Variants in ADARB2 observed in about 807,000 individuals in gnomAD.
ADARB2 encodes inactive double-stranded RNA-specific editase B2.
Under a neutral mutation model 62.2 loss-of-function variants are expected in ADARB2, and 25 were observed. The ratio of observed to expected loss-of-function variants is 0.40; its 90% CI spans 0.29 to 0.56. The LOEUF is 0.56. Among genes scored for constraint, ADARB2 ranks in the 20% least tolerant of loss-of-function variants. ADARB2 has a pLI of 0.43. For missense variants in ADARB2, 1,071 were observed against 1,077.4 expected (o/e 0.99, Z 0.08); for synonymous variants, 572 against 500.8 (o/e 1.14, Z -1.90).
At chr10:1,349,098 A>G (rs1465714563) in intron 3 of ADARB2, among the ~76,000 whole-genome samples, 1 of 152,168 alleles carries the variant, frequency 6.6e-6, no homozygotes, top group African/African-American at 2.4e-5. Flanking sequence ...TTCTGCCTTA[A>G]CTGATGACAT....
intron 1 of ADARB2, among the ~76,000 whole-genome samples, chr10:1,382,749 C>A (rs1832494803): frequency 6.7e-6 from 1 of 148,664 alleles, no homozygotes; most frequent in African/African-American, 2.5e-5. Flanking sequence ...TCGGAGTGTG[C>A]CAGGAGAAGC....
intron 2 of ADARB2, among the ~76,000 whole-genome samples, chr10:1,368,354 C>CA (rs1832331561): frequency 2.0e-5 from 3 of 152,204 alleles, no homozygotes; most frequent in South Asian, 2.1e-4. Flanking sequence ...ATTTTGAAAA[C>CA]ACAGCAGGGA....
At chr10:1,217,693 C>T (rs1384574096) in intron 6 of ADARB2, among the ~76,000 whole-genome samples, 3 of 152,224 alleles carry the variant, frequency 2.0e-5, no homozygotes, top group Non-Finnish European at 2.9e-5. Context: ...CTCAAAGTCA[C>T]TGTGACCCGG....
At chr10:1,652,492 A>G (rs567581315) in intron 1 of ADARB2, among the ~76,000 whole-genome samples, 7 of 152,282 alleles carry the variant, frequency 4.6e-5, no homozygotes, top group Admixed American at 4.6e-4. Context: ...TACCACTGAC[A>G]TCTGCTCTTA....
intron 3 of ADARB2, among the ~76,000 whole-genome samples, chr10:1,277,867 C>CA (rs1390451757): frequency 6.6e-6 from 1 of 152,214 alleles, no homozygotes; most frequent in South Asian, 2.1e-4. Context: ...AAAATACTGG[C>CA]AAACCGAATC....
At chr10:1,575,649 C>A (rs909122716) in intron 1 of ADARB2, among the ~76,000 whole-genome samples, 7 of 152,240 alleles carry the variant, frequency 4.6e-5, no homozygotes, top group African/African-American at 1.7e-4. Context: ...CTCCTCCCCA[C>A]CTGCTCCTGC....
intron 1 of ADARB2, among the ~76,000 whole-genome samples, chr10:1,462,320 G>A (rs1831185466): frequency 6.6e-6 from 1 of 152,208 alleles, no homozygotes; most frequent in Non-Finnish European, 1.5e-5. Context: ...GTGAAAGAGA[G>A]CTTCAAGGGG....
In ADARB2 at chr10:1,293,518, C is replaced by G. The variant is rs561180964; in HGVS notation, c.1078-22449G>C. Reference sequence around the variant, plus strand: ...CTCTGTTGTGAGCATCTCGATTTTTCTTTTGCATTTTCAGGGCATTCTCGC... The same window carrying G: ...CTCTGTTGTGAGCATCTCGATTTTTGTTTTGCATTTTCAGGGCATTCTCGC... On this transcript the variant is annotated intron_variant, in intron 3 of 9. Transcript: ENST00000381312. Among the ~76,000 whole-genome samples the G allele has an allele frequency of 1.3e-5, 2 of 152,250 alleles. 1 individual carries two copies. Among genetic ancestry groups the G allele is most frequent in the South Asian group, 4.1e-4 (2 of 4,820 alleles).
chr10:1,530,457 G>A (rs769950369), intron 1 of ADARB2, among the ~76,000 whole-genome samples: 3 of 152,138 alleles, frequency 2.0e-5, no homozygotes, highest in African/African-American at 7.2e-5. Flanking sequence ...TCGTGAGTGC[G>A]TCTCACTGAA....
intron 1 of ADARB2, among the ~76,000 whole-genome samples, chr10:1,448,467 A>T (rs1157432580): frequency 1.3e-5 from 2 of 152,090 alleles, no homozygotes; most frequent in Non-Finnish European, 2.9e-5. Flanking sequence ...TGCTGCCCAA[A>T]TCCCTCCTCC....
rs938120261 is a variant in ADARB2, at chr10:1,454,682, G to A, written c.101-75522C>T. The stretch of plus-strand genomic sequence containing the variant: ...GGTTGCTGGGGCCGGGGAGGGTAAC[G>A]GGCTTAATGTTTCGTGGAGACAGTT... On this transcript the variant is annotated intron_variant, in intron 1 of 9. Transcript: ENST00000381312. Among the ~76,000 whole-genome samples the A allele has an allele frequency of 9.2e-5, 14 of 151,952 alleles. No homozygotes were observed. In the East Asian group the frequency reaches 1.2e-3, roughly 13 times the overall value.
intron 1 of ADARB2, among the ~76,000 whole-genome samples, chr10:1,629,515 A>C (rs1588330097): frequency 5.3e-5 from 5 of 93,568 alleles, no homozygotes; most frequent in Admixed American, 1.1e-4. Flanking sequence ...GCCCAACACC[A>C]CCCAGTGCCC....
chr10:1,637,238 T>C lies in ADARB2; in HGVS notation c.100+99813A>G, dbSNP rs546406943. On this transcript the variant is annotated intron_variant, in intron 1 of 9. Coordinates refer to ENST00000381312, the MANE Select transcript of ADARB2 (RefSeq NM_018702.4). The stretch of plus-strand genomic sequence containing the variant: ...GCAGTTTATATTTCTGCCGTGATGA[T>C]GTAAATCCTGTTTCCACAGAATCCT... Among the ~76,000 whole-genome samples, 15 of 144,458 alleles carry C rather than the reference T, an allele frequency of 1.0e-4. No homozygotes were observed. The South Asian group carries it at 3.2e-3, about 31-fold the overall frequency. The allele number at this position is 144,458 out of a possible 152,430, so 94.8% of individuals were successfully genotyped here.
intron 1 of ADARB2, among the ~76,000 whole-genome samples, chr10:1,401,020 T>C (rs909141567): frequency 5.3e-5 from 8 of 152,074 alleles, no homozygotes; most frequent in South Asian, 2.1e-4. Flanking sequence ...CTGACCACGA[T>C]TGGAAAACTG....
intron 1 of ADARB2, among the ~76,000 whole-genome samples, chr10:1,692,147 C>G (rs1258999579): frequency 2.0e-5 from 3 of 152,194 alleles, no homozygotes; most frequent in Non-Finnish European, 4.4e-5. Context: ...TCAGGAGCAA[C>G]AGCAAGTGTC....
At chr10:1,368,266 C>A (rs1832330643) in intron 2 of ADARB2, among the ~76,000 whole-genome samples, 1 of 152,172 alleles carries the variant, frequency 6.6e-6, no homozygotes, top group South Asian at 2.1e-4. Context: ...ATTTGCCTTA[C>A]AAGTTTCTTA....
intron 3 of ADARB2, among the ~76,000 whole-genome samples, chr10:1,350,632 C>T (rs750680073): frequency 6.6e-6 from 1 of 152,174 alleles, no homozygotes; most frequent in East Asian, 1.9e-4. Flanking sequence ...CGTTTAGGCT[C>T]TTTTTCATCA....
intron 4 of ADARB2, 26 bp from the exon 5 acceptor site, chr10:1,242,325 A>T: frequency 6.6e-7 from 1 of 1,519,826 alleles, no homozygotes; most frequent in Non-Finnish European, 8.9e-7. Context: ...GCATCAGAGC[A>T]GCGTGGCCCA....
At chr10:1,206,276 G>A (rs1837064390) in intron 7 of ADARB2, among the ~76,000 whole-genome samples, 1 of 152,138 alleles carries the variant, frequency 6.6e-6, no homozygotes, top group Non-Finnish European at 1.5e-5. Flanking sequence ...CCTTAAGCCG[G>A]CTACCTGCGC....
Sources: allele counts gnomAD v4.1 joint callset (sites outside exome capture counted in the v4.1 genomes callset), GRCh38; gene constraint gnomAD v4.1.1; transcripts MANE v1.5; gene names NCBI Gene and HGNC (gene_info 2026-07-23, HGNC 2026-07-21).